The following USP4 variants were observed in gnomAD, a reference collection of about 807,000 sequenced individuals.
USP4 encodes ubiquitin specific peptidase 4, also known as ubiquitin carboxyl-terminal hydrolase 4.
In USP4, 72 loss-of-function variants were observed where a neutral mutation model predicts 118.2. That is an observed-to-expected ratio of 0.61 (90% CI 0.50 to 0.74). USP4 has a LOEUF of 0.74. USP4 is among the 30% of genes least tolerant of loss of function. The probability of loss-of-function intolerance (pLI) is 0.00; values close to 1 mark genes in which losing one functional copy is unlikely to be tolerated. For missense variants in USP4, 1,037 were observed against 1,185.7 expected, an observed-to-expected ratio of 0.87 and a Z score of 1.84; for synonymous variants, 415 against 440.4, an observed-to-expected ratio of 0.94 and a Z score of 0.72.
At chr3:49,301,231 C>T (rs539347395) in intron 10 of USP4, among the ~76,000 whole-genome samples, 4 of 152,142 alleles carry the variant, frequency 2.6e-5, no homozygotes, top group African/African-American at 7.2e-5. Flanking sequence ...AAAGCCACTG[C>T]GCCTCGCCCT....
chr3:49,284,374 A>G (rs2047072286), intron 18 of USP4, 92 bp downstream of exon 18: 3 of 1,127,414 alleles, frequency 2.7e-6, no homozygotes, highest in Admixed American at 2.1e-5. Context: ...GACACATCCA[A>G]ATACAAAGGG....
chr3:49,287,457 A>G (rs2047108213), intron 15 of USP4, among the ~76,000 whole-genome samples: 1 of 151,908 alleles, frequency 6.6e-6, no homozygotes, highest in Non-Finnish European at 1.5e-5. Context: ...CCCGGCCAAG[A>G]AACACAACTT....
At chr3:49,298,197 C>T (rs1269603888) in intron 12 of USP4, among the ~76,000 whole-genome samples, 3 of 152,170 alleles carry the variant, frequency 2.0e-5, no homozygotes, top group Non-Finnish European at 4.4e-5. Context: ...GCAGGAAGGG[C>T]GAGGAGTGTG....
rs1260159214 is a variant in USP4 at position 49,335,466 on chromosome 3, T to C, written c.229+3A>G. The C allele has an allele frequency of 6.2e-7, 1 of 1,614,214 alleles. No homozygotes were observed. The highest frequency in any genetic ancestry group is 8.5e-7 in the Non-Finnish European group (1 of 1,180,040). On this transcript the variant is annotated splice_donor_region_variant and intron_variant, in intron 2 of 21. Coordinates refer to ENST00000265560, the MANE Select transcript of USP4 (RefSeq NM_003363.4). ...TTAGCTAGAAAAGCAACATTTACTA[T>C]ACCTGAAAATAGCCCAGAGTTGTCT...
Position 49,277,737 on chromosome 3 carries a change from G to A in USP4, c.*556C>T, listed in dbSNP as rs529327259. The A allele has an allele frequency of 1.0e-4, 17 of 163,688 alleles. No individual in the cohort carries two copies. Among genetic ancestry groups the A allele is most frequent in the Middle Eastern group, 2.8e-3 (1 of 352 alleles). The allele number at this position is 163,688 out of a possible 1,614,324, so 10.1% of individuals were successfully genotyped here. ...CCCAACACTAGATATCTTCCTTAGCGGGGAGAAAGCTGGAAATTACAAGAT... is the reference window on the plus strand; with the variant it reads ...CCCAACACTAGATATCTTCCTTAGCAGGGAGAAAGCTGGAAATTACAAGAT... On this transcript the variant is annotated 3_prime_UTR_variant, in exon 22 of 22. Transcript: ENST00000265560.
At chr3:49,317,938 C>T (rs773044585) in intron 6 of USP4, among the ~76,000 whole-genome samples, 2 of 151,898 alleles carry the variant, frequency 1.3e-5, no homozygotes, top group Non-Finnish European at 2.9e-5. Flanking sequence ...TGGGTTTAAG[C>T]GAGTCTCTTG....
At chr3:49,291,487 T>C (rs1357622866) in intron 15 of USP4, among the ~76,000 whole-genome samples, 2 of 148,396 alleles carry the variant, frequency 1.3e-5, no homozygotes, top group Non-Finnish European at 3.0e-5. Context: ...AGGTAGAGAG[T>C]TGCTTGAACC....
At chr3:49,330,932 C>T (rs1277139228) in intron 2 of USP4, among the ~76,000 whole-genome samples, 4 of 150,778 alleles carry the variant, frequency 2.7e-5, no homozygotes, top group African/African-American at 9.8e-5. Context: ...GCAGGAGAAT[C>T]GTGTGAACCC....
chr3:49,294,927 CA>C (rs2107774741), intron 13 of USP4, among the ~76,000 whole-genome samples: 1 of 152,268 alleles, frequency 6.6e-6, no homozygotes, highest in East Asian at 1.9e-4. Flanking sequence ...TCACTCTGAA[CA>C]CAAAGGCACA....
Position 49,281,491 on chromosome 3 carries a change from TACACACACACACAC to T in USP4, c.2541-658_2541-645del, listed in dbSNP as rs71077782. The stretch of plus-strand genomic sequence containing the variant: ...AAAAGTATGTGTATATATATATATA[TACACACACACACAC>T]ACACACACACACACACACACACACA... On this transcript the variant is annotated intron_variant, in intron 19 of 21. Coordinates refer to ENST00000265560, the MANE Select transcript of USP4 (RefSeq NM_003363.4). 1.5e-4 allele frequency among the ~76,000 whole-genome samples: 19 copies of T among 126,540 alleles called. No individual in the cohort carries two copies. In the East Asian group the frequency reaches 2.0e-3, roughly 14 times the overall value. The allele number at this position is 126,540 out of a possible 152,430, so 83.0% of individuals were successfully genotyped here.
At chr3:49,309,943 C>CTTTT (rs773669515) in intron 8 of USP4, among the ~76,000 whole-genome samples, 3 of 40,228 alleles carry the variant, frequency 7.5e-5, no homozygotes, top group African/African-American at 2.3e-4. Context: ...TTTTTTTAAT[C>CTTTT]TTTTTTTTTT....
chr3:49,332,623 C>T (rs1205187381), intron 2 of USP4, among the ~76,000 whole-genome samples: 4 of 151,560 alleles, frequency 2.6e-5, no homozygotes, highest in African/African-American at 4.9e-5. Context: ...CCGAGGCAGG[C>T]GGATCACTTA....
intron 6 of USP4, among the ~76,000 whole-genome samples, chr3:49,321,527 T>G (rs2047501590): frequency 6.6e-6 from 1 of 151,818 alleles, no homozygotes. Flanking sequence ...TCGCCCAAGC[T>G]GGAGTGCAGT....
intron 1 of USP4, among the ~76,000 whole-genome samples, chr3:49,336,790 G>C (rs901319997): frequency 1.3e-5 from 2 of 151,990 alleles, no homozygotes; most frequent in African/African-American, 4.8e-5. Flanking sequence ...CCAAAGTGCT[G>C]TGATTACAGG....
intron 2 of USP4, 140 bp from the exon 3 acceptor site, chr3:49,327,956 G>C: frequency 1.4e-6 from 1 of 722,488 alleles, no homozygotes; most frequent in Non-Finnish European, 2.2e-6. Context: ...TCTGTCACTG[G>C]TCATTATACA....
At chr3:49,329,308 G>A (rs9863142) in intron 2 of USP4, among the ~76,000 whole-genome samples, 6 of 152,098 alleles carry the variant, frequency 3.9e-5, no homozygotes, top group South Asian at 2.1e-4. Context: ...TCTTGAGCCC[G>A]TTGAAGTCAT....
At chr3:49,307,213 TAAG>T (rs2047327779) in intron 8 of USP4, among the ~76,000 whole-genome samples, 1 of 152,022 alleles carries the variant, frequency 6.6e-6, no homozygotes, top group South Asian at 2.1e-4. Context: ...TCTGGGAGGC[TAAG>T]GAGTGTGGAT....
chr3:49,306,040 C>A (rs1433409012), intron 8 of USP4, 152 bp from the exon 9 acceptor site: 2 of 719,556 alleles, frequency 2.8e-6, no homozygotes, highest in Non-Finnish European at 4.2e-6. Flanking sequence ...AAAGCACAGC[C>A]TCAAGGAGGC....
intron 2 of USP4, among the ~76,000 whole-genome samples, chr3:49,328,284 G>T (rs2047578375): frequency 6.6e-6 from 1 of 151,952 alleles, no homozygotes; most frequent in African/African-American, 2.4e-5. Context: ...CTTGAACCCG[G>T]GAGGCAGAGG....
Sources: gnomAD v4.1 joint callset for allele counts (sites outside exome capture counted in the v4.1 genomes callset) on GRCh38, gnomAD v4.1.1 for gene constraint, MANE v1.5 for transcripts, NCBI Gene and HGNC (gene_info 2026-07-23, HGNC 2026-07-21) for gene names.